ADAMTS3: variants seen among roughly 807,000 people sequenced by gnomAD.
ADAMTS3 encodes A disintegrin and metalloproteinase with thrombospondin motifs 3.
In ADAMTS3, 73 loss-of-function variants were observed where a neutral mutation model predicts 129.0. The observed-to-expected ratio is 0.57, with a 90% CI of 0.47 to 0.69. The LOEUF (loss-of-function observed/expected upper bound fraction) is 0.69. ADAMTS3 is among the 30% of genes least tolerant of loss of function. ADAMTS3 has a pLI of 0.00. For synonymous variants in ADAMTS3, 477 were observed against 510.8 expected, an observed-to-expected ratio of 0.93 and a Z score of 0.89; for missense variants, 1,457 against 1,514.5, an observed-to-expected ratio of 0.96 and a Z score of 0.63.
In ADAMTS3 at chr4:72,299,011, G is replaced by C. The variant is rs912157012; in HGVS notation, c.2425-569C>G. Among the ~76,000 whole-genome samples, 4 of 149,852 alleles carry C rather than the reference G, an allele frequency of 2.7e-5. No individual in the cohort carries two copies. In the East Asian group the frequency reaches 5.9e-4, roughly 22 times the overall value. ...AATTCTACCTAACTAGAGAAAACCA[G>C]TCACTTTTATTATTGTGATAGTCCC... On this transcript the variant is annotated intron_variant, in intron 17 of 21. Coordinates refer to ENST00000286657, the MANE Select transcript of ADAMTS3 (RefSeq NM_014243.3).
chr4:72,477,074 A>G (rs1420924912), intron 3 of ADAMTS3, among the ~76,000 whole-genome samples: 1 of 152,144 alleles, frequency 6.6e-6, no homozygotes, highest in Non-Finnish European at 1.5e-5. Flanking sequence ...AGATAACATT[A>G]TATTTAAGTG....
chr4:72,398,286 G>T (rs1277335138), intron 4 of ADAMTS3, among the ~76,000 whole-genome samples: 1 of 152,138 alleles, frequency 6.6e-6, no homozygotes, highest in Non-Finnish European at 1.5e-5. Flanking sequence ...GCCAGGCGTG[G>T]TGGCTCACTT....
At chr4:72,440,317 T>C (rs538826262) in intron 3 of ADAMTS3, among the ~76,000 whole-genome samples, 1 of 151,930 alleles carries the variant, frequency 6.6e-6, no homozygotes, top group South Asian at 2.1e-4. Context: ...TGTGGATAAA[T>C]TGCTCAATAG....
chr4:72,323,166 G>T (rs988329049), intron 5 of ADAMTS3, 69 bp from the exon 6 acceptor site: 62 of 1,228,762 alleles, frequency 5.0e-5, no homozygotes, highest in Non-Finnish European at 7.0e-5. Context: ...GTACATATAA[G>T]CTGTGTAATC....
chr4:72,490,633 C>T (rs1719714992), intron 3 of ADAMTS3, among the ~76,000 whole-genome samples: 1 of 152,006 alleles, frequency 6.6e-6, no homozygotes, highest in South Asian at 2.1e-4. Context: ...ATTCTTGGCA[C>T]ATTGTTAAAG....
chr4:72,524,534 CTTT>C (rs1436009281), intron 3 of ADAMTS3, among the ~76,000 whole-genome samples: 3 of 151,574 alleles, frequency 2.0e-5, no homozygotes, highest in African/African-American at 7.3e-5. Context: ...ATGAATCATG[CTTT>C]ATTATTATTA....
In ADAMTS3 at chr4:72,381,039, T is replaced by C. The variant is rs1310197789; in HGVS notation, c.661+33776A>G. Among the ~76,000 whole-genome samples the C allele has an allele frequency of 3.3e-5, 5 of 152,086 alleles. No homozygotes were observed. In the East Asian group the frequency reaches 9.6e-4, roughly 29 times the overall value. On this transcript the variant is annotated intron_variant, in intron 4 of 21. Transcript: ENST00000286657. ...AAAAAGCTCCCAGTTTTAATAGAAG[T>C]CCAGGTCAAAGCAAACAAACAAAAA...
chr4:72,555,914 A>ACCCTT (rs1471253208), intron 2 of ADAMTS3, among the ~76,000 whole-genome samples: 1 of 150,956 alleles, frequency 6.6e-6, no homozygotes, highest in Non-Finnish European at 1.5e-5. Flanking sequence ...CTTCCCCTTC[A>ACCCTT]CCCTTCCACC....
At chr4:72,456,002 C>T (rs1451393101) in intron 3 of ADAMTS3, among the ~76,000 whole-genome samples, 454 of 6,908 alleles carry the variant, frequency 0.066, 74 homozygotes, top group Middle Eastern at 0.25. Flanking sequence ...ATATATTTTA[C>T]ATATAGTATA....
intron 8 of ADAMTS3, 147 bp downstream of exon 8, chr4:72,319,711 A>G (rs1469970011): frequency 1.4e-5 from 11 of 782,606 alleles, no homozygotes; most frequent in Admixed American, 2.6e-5. Context: ...TCCGTGCATG[A>G]CCTCTTCTCT....
chr4:72,331,910 T>C (rs953658447), intron 5 of ADAMTS3, among the ~76,000 whole-genome samples: 1 of 152,226 alleles, frequency 6.6e-6, no homozygotes, highest in African/African-American at 2.4e-5. Flanking sequence ...AAGATTAATA[T>C]ATTTTATAGA....
At chr4:72,352,231 T>C (rs1230734778) in intron 4 of ADAMTS3, among the ~76,000 whole-genome samples, 1 of 152,032 alleles carries the variant, frequency 6.6e-6, no homozygotes, top group Non-Finnish European at 1.5e-5. Context: ...TATACAGTGG[T>C]ATTGATTTTG....
At chr4:72,460,304 T>C (rs1718732069) in intron 3 of ADAMTS3, among the ~76,000 whole-genome samples, 2 of 151,576 alleles carry the variant, frequency 1.3e-5, no homozygotes, top group Non-Finnish European at 3.0e-5. Flanking sequence ...ACAATAATTA[T>C]GTACCACATA....
chr4:72,381,012 T>G (rs1314113703), intron 4 of ADAMTS3, among the ~76,000 whole-genome samples: 4 of 152,162 alleles, frequency 2.6e-5, no homozygotes, highest in Admixed American at 2.6e-4. Context: ...TCATATGATT[T>G]TAAAAAGCTC....
Position 72,540,490 on chromosome 4 carries a change from G to A in ADAMTS3, c.504+7988C>T, listed in dbSNP as rs148261348. Among the ~76,000 whole-genome samples the A allele has an allele frequency of 5.0e-4, 76 of 152,352 alleles. 1 individual carries two copies. In the East Asian group the frequency reaches 0.01, roughly 21 times the overall value. ...TTCTGAGAAGAAATTCAAGCTCGCT[G>A]CAGAAATTTGCATAAATAACAAGGA... is the stretch of plus-strand genomic sequence containing the variant. On this transcript the variant is annotated intron_variant, in intron 3 of 21. Coordinates refer to ENST00000286657, the MANE Select transcript of ADAMTS3 (RefSeq NM_014243.3).
intron 3 of ADAMTS3, among the ~76,000 whole-genome samples, chr4:72,431,578 T>C (rs1722699096): frequency 6.6e-6 from 1 of 152,026 alleles, no homozygotes; most frequent in South Asian, 2.1e-4. Flanking sequence ...TCAGGCTATG[T>C]GTATAAGGTG....
At chr4:72,391,575 C>A (rs951939439) in intron 4 of ADAMTS3, among the ~76,000 whole-genome samples, 1 of 152,072 alleles carries the variant, frequency 6.6e-6, no homozygotes, top group Non-Finnish European at 1.5e-5. Context: ...AAGCAGGGAC[C>A]AAATCTCTGT....
chr4:72,298,268 A>G lies in ADAMTS3; in HGVS notation c.2590+9T>C. 1 of 1,610,312 alleles carries G rather than the reference A, an allele frequency of 6.2e-7. No individual in the cohort carries two copies. ...ACATTTTAATATAATAAATGTGTTC[A>G]ATGGTTACCTCCACCACAGGGTTTG... On this transcript the variant is annotated intron_variant, in intron 18 of 21. Transcript: ENST00000286657.
At chr4:72,560,815 T>C (rs1394904706) in intron 2 of ADAMTS3, among the ~76,000 whole-genome samples, 1 of 152,194 alleles carries the variant, frequency 6.6e-6, no homozygotes, top group East Asian at 1.9e-4. Flanking sequence ...CAAACCTGCA[T>C]GTCCTGCACG....
Sources: allele counts gnomAD v4.1 joint callset (sites outside exome capture counted in the v4.1 genomes callset), GRCh38; gene constraint gnomAD v4.1.1; transcripts MANE v1.5; gene names NCBI Gene and HGNC (gene_info 2026-07-23, HGNC 2026-07-21).